GALNT15: variants seen among roughly 807,000 people sequenced by gnomAD.
GALNT15 encodes the protein polypeptide N-acetylgalactosaminyltransferase 15.
Under a neutral mutation model 66.8 loss-of-function variants are expected in GALNT15, and 67 were observed. The ratio of observed to expected loss-of-function variants is 1.00; its 90% CI spans 0.82 to 1.23. The LOEUF is 1.23. GALNT15 is among the 50% of genes most tolerant of loss of function. The pLI is 0.00. For synonymous variants in GALNT15, 313 were observed against 311.5 expected, an observed-to-expected ratio of 1.00 and a Z score of -0.05; for missense variants, 827 against 804.3, an observed-to-expected ratio of 1.03 and a Z score of -0.34.
chr3:16,226,185 G>A (rs1575001286), intron 9 of GALNT15, among the ~76,000 whole-genome samples: 1 of 152,302 alleles, frequency 6.6e-6, no homozygotes, highest in East Asian at 1.9e-4. Context: ...TAGTTTCTGG[G>A]AGGAGGGAGG....
At chr3:16,215,390 G>C (rs2063860257) in intron 6 of GALNT15, among the ~76,000 whole-genome samples, 1 of 152,144 alleles carries the variant, frequency 6.6e-6, no homozygotes, top group Non-Finnish European at 1.5e-5. Context: ...AGAAAACTGA[G>C]GTCCCATGAG....
At position 16,219,833 on chromosome 3, in the gene GALNT15, C is replaced by A. The variant is rs2063922268; in HGVS notation, c.1525-77C>A. 3 of 1,222,938 alleles carry A rather than the reference C, an allele frequency of 2.5e-6. No homozygotes were observed. The highest frequency in any genetic ancestry group is 1.2e-5 in the South Asian group (1 of 81,980). The allele number at this position is 1,222,938 out of a possible 1,614,324, so 75.8% of individuals were successfully genotyped here. A position where few individuals can be genotyped will look rare whatever the true frequency, so the allele number is the denominator to read the frequency against. ...TTGGGCTGCACTCCAGAGAATACAG[C>A]AAAGGAATGGTGTCTGACCGAGGGT... On this transcript the variant is annotated intron_variant, in intron 7 of 9. Coordinates refer to ENST00000339732, the MANE Select transcript of GALNT15 (RefSeq NM_054110.5). This position sits in a 1 kb window ranked among gnomAD's most constrained non-coding sequence, Gnocchi z 4.3.
chr3:16,183,746 G>A lies in GALNT15; in HGVS notation c.539+8056G>A, dbSNP rs1399239686. Among the ~76,000 whole-genome samples, 1 of 152,144 alleles carries A rather than the reference G, an allele frequency of 6.6e-6. No homozygotes were observed. The highest frequency in any genetic ancestry group is 1.5e-5 in the Non-Finnish European group (1 of 68,028). On this transcript the variant is annotated intron_variant, in intron 1 of 9. Transcript: ENST00000339732. The surrounding 1 kb of genome is among the most constrained non-coding windows in gnomAD (Gnocchi z 5.2). ...GTCAGTATCCCCAAAACAGCTTTAG[G>A]AAACCTGGCAGAAACCTTTCTACTC...
At position 16,229,340 on chromosome 3, in the gene GALNT15, A is replaced by C. The variant is rs2064057319; in HGVS notation, c.*1840A>C. Reference sequence around the variant, plus strand: ...TGGAAATCCATTAAAATCAAAGAAAATTTAAAACTCAATTCCTCAATTGGG... The same window carrying C: ...TGGAAATCCATTAAAATCAAAGAAACTTTAAAACTCAATTCCTCAATTGGG... On this transcript the variant is annotated 3_prime_UTR_variant, in exon 10 of 10. Coordinates refer to ENST00000339732, the MANE Select transcript of GALNT15 (RefSeq NM_054110.5). 1.1e-6 allele frequency: 1 copy of C among 910,484 alleles called. No individual in the cohort carries two copies. 56.4% of individuals were successfully genotyped at this position (910,484 alleles called of 1,614,324 possible).
rs1350095781 is a variant in GALNT15, at chr3:16,228,741, C to T, written c.*1241C>T. On this transcript the variant is annotated 3_prime_UTR_variant, in exon 10 of 10. Transcript: ENST00000339732. Reference sequence around the variant, plus strand: ...CCTTTCTAAAAAAGCAAACCTTTTTCCTGGGAGGAAAATGCCAGAGCCTGA... The same window carrying T: ...CCTTTCTAAAAAAGCAAACCTTTTTTCTGGGAGGAAAATGCCAGAGCCTGA... The T allele has an allele frequency of 1.0e-6, 1 of 985,164 alleles. No homozygotes were observed. The highest frequency in any genetic ancestry group is 1.2e-6 in the Non-Finnish European group (1 of 829,944). The allele number at this position is 985,164 out of a possible 1,614,324, so 61.0% of individuals were successfully genotyped here.
downstream of GALNT15, among the ~76,000 whole-genome samples, chr3:16,234,217 A>G (rs2064112328): frequency 6.6e-6 from 1 of 152,242 alleles, no homozygotes. Flanking sequence ...TATAGTAGTG[A>G]CACTGAGTGT....
At position 16,227,313 on chromosome 3, in the gene GALNT15, G is replaced by T. The variant is rs559378304; in HGVS notation, c.1774-41G>T. On this transcript the variant is annotated intron_variant, in intron 9 of 9. Coordinates refer to ENST00000339732, the MANE Select transcript of GALNT15 (RefSeq NM_054110.5). The surrounding 1 kb of genome is among the most constrained non-coding windows in gnomAD (Gnocchi z 4.5). ...ATATTTTCTTTTGCTGACTGATTGTGGGGGACTGGTTTTCTTTTCTTTTTT... is the reference window on the plus strand; with the variant it reads ...ATATTTTCTTTTGCTGACTGATTGTTGGGGACTGGTTTTCTTTTCTTTTTT... 2.1e-5 allele frequency: 33 copies of T among 1,589,392 alleles called. No individual in the cohort carries two copies. The highest frequency in any genetic ancestry group is 2.5e-5 in the Non-Finnish European group (29 of 1,170,526).
At chr3:16,214,190 A>G (rs2124890590) in intron 6 of GALNT15, among the ~76,000 whole-genome samples, 1 of 152,298 alleles carries the variant, frequency 6.6e-6, no homozygotes, top group East Asian at 1.9e-4. Context: ...AAACTCTCAC[A>G]AGGACCCAGC....
intron 1 of GALNT15, among the ~76,000 whole-genome samples, chr3:16,185,393 T>G (rs1483556312): frequency 6.6e-6 from 1 of 152,248 alleles, no homozygotes; most frequent in Non-Finnish European, 1.5e-5. Flanking sequence ...CAAGGACTTT[T>G]CTTCCAAAGC....
At position 16,228,789 on chromosome 3, in the gene GALNT15, A is replaced by G; in HGVS notation, c.*1289A>G. On this transcript the variant is annotated 3_prime_UTR_variant, in exon 10 of 10. Coordinates refer to ENST00000339732, the MANE Select transcript of GALNT15 (RefSeq NM_054110.5). ...TGAGCCAAAATTCTTATGACAGGTA[A>G]CATTTGGGTGTTAATGTCCATGAGA... 3.0e-6 allele frequency: 3 copies of G among 985,462 alleles called. No individual in the cohort carries two copies. Among genetic ancestry groups the G allele is most frequent in the Non-Finnish European group, 3.6e-6 (3 of 829,952 alleles). 61.0% of individuals were successfully genotyped at this position (985,462 alleles called of 1,614,324 possible). A position where few individuals can be genotyped will look rare whatever the true frequency, so the allele number is the denominator to read the frequency against.
Position 16,184,783 on chromosome 3 carries a change from G to A in GALNT15, c.539+9093G>A, listed in dbSNP as rs1336035632. 6.6e-6 allele frequency among the ~76,000 whole-genome samples: 1 copy of A among 152,202 alleles called. No homozygotes were observed. Among genetic ancestry groups the A allele is most frequent in the African/African-American group, 2.4e-5 (1 of 41,456 alleles). Reference sequence around the variant, plus strand: ...GTGTTCAAGGCAGCTACCTCTGTGGGCAGCTGGAGCTCAGCCCTTGGAGAC... The same window carrying A: ...GTGTTCAAGGCAGCTACCTCTGTGGACAGCTGGAGCTCAGCCCTTGGAGAC... On this transcript the variant is annotated intron_variant, in intron 1 of 9. Transcript: ENST00000339732. This position sits in a 1 kb window ranked among gnomAD's most constrained non-coding sequence, Gnocchi z 5.0.
rs1222275666 is a variant in GALNT15, at chr3:16,204,041, A to AAGAG, written c.911+3219_911+3222dup. ...GCCCAAAAGACAGAAAAGGGTCTTTAAGAGCTCTTATAAAAAAAAAAAAGT... is the reference window on the plus strand; with the variant it reads ...GCCCAAAAGACAGAAAAGGGTCTTTAAGAGAGAGCTCTTATAAAAAAAAAAAAGT... On this transcript the variant is annotated intron_variant, in intron 3 of 9. Coordinates refer to ENST00000339732, the MANE Select transcript of GALNT15 (RefSeq NM_054110.5). This position sits in a 1 kb window ranked among gnomAD's most constrained non-coding sequence, Gnocchi z 4.5. Among the ~76,000 whole-genome samples, 1 of 151,818 alleles carries AAGAG rather than the reference A, an allele frequency of 6.6e-6. No homozygotes were observed. Among genetic ancestry groups the AAGAG allele is most frequent in the East Asian group, 1.9e-4 (1 of 5,180 alleles).
chr3:16,212,936 G>C (rs894927860), intron 6 of GALNT15, among the ~76,000 whole-genome samples, 173 bp downstream of exon 6: 1 of 152,128 alleles, frequency 6.6e-6, no homozygotes, highest in East Asian at 1.9e-4. Flanking sequence ...GCTGTCCTTT[G>C]TCTCTCTGGC....
At chr3:16,242,092 A>G in the GALNT15 span, among the ~76,000 whole-genome samples, 1 of 152,224 alleles carries the variant, frequency 6.6e-6, no homozygotes, top group South Asian at 2.1e-4. This position sits in a 1 kb window ranked among gnomAD's most constrained non-coding sequence, Gnocchi z 5.6. Context: ...GAACATCTCC[A>G]GAGACCAACA....
In GALNT15 at chr3:16,200,568, C is replaced by T. The variant is rs1195738994; in HGVS notation, c.707-51C>T. 2.9e-6 allele frequency: 4 copies of T among 1,376,908 alleles called. No individual in the cohort carries two copies. In the African/African-American group the frequency reaches 5.9e-5, roughly 20 times the overall value. 85.3% of individuals were successfully genotyped at this position (1,376,908 alleles called of 1,614,324 possible). ...CTGACGATTGTCTTAGTCACAATCT[C>T]ATCGGTTGTGGCATTTGTCATTCCA... is the stretch of plus-strand genomic sequence containing the variant. On this transcript the variant is annotated intron_variant, in intron 2 of 9. Coordinates refer to ENST00000339732, the MANE Select transcript of GALNT15 (RefSeq NM_054110.5). This position sits in a 1 kb window ranked among gnomAD's most constrained non-coding sequence, Gnocchi z 4.4.
rs1409783815 is a variant in GALNT15 at position 16,186,694 on chromosome 3, G to C, written c.540-9066G>C. Among the ~76,000 whole-genome samples, 1 of 152,202 alleles carries C rather than the reference G, an allele frequency of 6.6e-6. No individual in the cohort carries two copies. The highest frequency in any genetic ancestry group is 1.5e-5 in the Non-Finnish European group (1 of 68,034). ...AAAGAAATCAGTCACAAAAGGCCAC[G>C]TTATGTCATTTCATTCATATGAAGT... On this transcript the variant is annotated intron_variant, in intron 1 of 9. Transcript: ENST00000339732. This position sits in a 1 kb window ranked among gnomAD's most constrained non-coding sequence, Gnocchi z 5.1.
At chr3:16,222,450 G>A (rs1163613026) in intron 8 of GALNT15, among the ~76,000 whole-genome samples, 165 bp from the exon 9 acceptor site, 1 of 152,236 alleles carries the variant, frequency 6.6e-6, no homozygotes, top group Non-Finnish European at 1.5e-5. Flanking sequence ...GACTAGTCTA[G>A]CAGCATGTTT....
chr3:16,211,502 C>T lies in GALNT15; in HGVS notation c.1197+261C>T, dbSNP rs551349517. Reference sequence around the variant, plus strand: ...ACTCTCAGTTATTTTAACTGCTGTGCGGAGATTCCAGAGGCTCTCATACAT... The same window carrying T: ...ACTCTCAGTTATTTTAACTGCTGTGTGGAGATTCCAGAGGCTCTCATACAT... On this transcript the variant is annotated intron_variant, in intron 5 of 9. Coordinates refer to ENST00000339732, the MANE Select transcript of GALNT15 (RefSeq NM_054110.5). The surrounding 1 kb of genome is among the most constrained non-coding windows in gnomAD (Gnocchi z 4.3). 2.0e-5 allele frequency among the ~76,000 whole-genome samples: 3 copies of T among 152,198 alleles called. No individual in the cohort carries two copies. Among genetic ancestry groups the T allele is most frequent in the African/African-American group, 2.4e-5 (1 of 41,452 alleles).
intron 3 of GALNT15, 61 bp from the exon 4 acceptor site, chr3:16,208,442 G>A: frequency 6.3e-7 from 1 of 1,575,296 alleles, no homozygotes; most frequent in East Asian, 2.2e-5. Context: ...TGTACAGACT[G>A]TTTCCAGCCC....
Sources: allele counts gnomAD v4.1 joint callset (sites outside exome capture counted in the v4.1 genomes callset), GRCh38; gene constraint gnomAD v4.1.1; non-coding constraint Gnocchi (gnomAD v3.1); transcripts MANE v1.5; gene names NCBI Gene and HGNC (gene_info 2026-07-23, HGNC 2026-07-21).